Variants in NHSL1 observed in about 807,000 individuals in gnomAD.
NHSL1 encodes the protein NHS-like protein 1.
In NHSL1, 48 loss-of-function variants were observed where a neutral mutation model predicts 95.0. The observed-to-expected ratio is 0.51, with a 90% CI of 0.40 to 0.64. The LOEUF (loss-of-function observed/expected upper bound fraction) is 0.64. Among genes scored for constraint, NHSL1 ranks in the 30% least tolerant of loss-of-function variants. The pLI, the probability that NHSL1 is intolerant of heterozygous loss-of-function variation, is 0.00. For missense variants in NHSL1, 1,971 were observed against 2,077.7 expected (o/e 0.95, Z 1.00); for synonymous variants, 783 against 833.9 (o/e 0.94, Z 1.05).
intron 2 of NHSL1, among the ~76,000 whole-genome samples, chr6:138,474,958 GACC>G (rs552241537): frequency 1.1e-3 from 172 of 152,278 alleles, no homozygotes; most frequent in African/African-American, 3.9e-3. Context: ...AGACCAGCCT[GACC>G]AACATAGAGA....
chr6:138,427,327 C>G (rs972731210), intron 7 of NHSL1, among the ~76,000 whole-genome samples: 2 of 152,048 alleles, frequency 1.3e-5, no homozygotes, highest in Non-Finnish European at 2.9e-5. Context: ...ATAATCCCAG[C>G]TACTTGGGAT....
chr6:138,538,079 C>T (rs1279661408), intron 1 of NHSL1, among the ~76,000 whole-genome samples: 1 of 152,062 alleles, frequency 6.6e-6, no homozygotes, highest in Non-Finnish European at 1.5e-5. Context: ...TCTTGGATAC[C>T]CTTTGACATA....
At chr6:138,648,519 A>C (rs1029265159) in intron 1 of NHSL1, among the ~76,000 whole-genome samples, 2 of 152,160 alleles carry the variant, frequency 1.3e-5, no homozygotes, top group Admixed American at 6.6e-5. Context: ...CTCTCCCAGC[A>C]TGTAGTCCTA....
chr6:138,497,332 G>C (rs969136108), intron 1 of NHSL1, among the ~76,000 whole-genome samples: 1 of 152,150 alleles, frequency 6.6e-6, no homozygotes. Context: ...AAAGGTACTG[G>C]AGAAAGTCCT....
intron 7 of NHSL1, among the ~76,000 whole-genome samples, chr6:138,427,796 C>T (rs1281258501): frequency 6.6e-6 from 1 of 152,126 alleles, no homozygotes; most frequent in Non-Finnish European, 1.5e-5. Context: ...TGAGCTTAAG[C>T]GCTGAAGGAC....
chr6:138,446,723 C>G (rs1776885144), intron 4 of NHSL1: 1 of 353,284 alleles, frequency 2.8e-6, no homozygotes, highest in Non-Finnish European at 5.1e-6. Context: ...TACTAAAAAG[C>G]AATTTAATTA....
chr6:138,478,013 T>A (rs544873852), intron 2 of NHSL1, among the ~76,000 whole-genome samples: 6 of 23,200 alleles, frequency 2.6e-4, no homozygotes, highest in East Asian at 2.2e-3. Context: ...TTTATGTCAC[T>A]TTTTTTTTTT....
At chr6:138,633,738 G>C (rs1411616320) in intron 1 of NHSL1, among the ~76,000 whole-genome samples, 1 of 152,068 alleles carries the variant, frequency 6.6e-6, no homozygotes, top group Non-Finnish European at 1.5e-5. Flanking sequence ...TCACCTAAAG[G>C]TACAAAACTC....
intron 1 of NHSL1, among the ~76,000 whole-genome samples, chr6:138,636,930 C>T (rs1349348071): frequency 6.6e-6 from 1 of 152,062 alleles, no homozygotes; most frequent in Non-Finnish European, 1.5e-5. Flanking sequence ...TTATATGGAA[C>T]CATGAAAGAC....
intron 1 of NHSL1, among the ~76,000 whole-genome samples, chr6:138,530,566 T>C (rs1782091474): frequency 1.3e-5 from 2 of 152,194 alleles, no homozygotes; most frequent in South Asian, 2.1e-4. Context: ...GAAAATCTGA[T>C]ATATATACAC....
intron 5 of NHSL1, among the ~76,000 whole-genome samples, chr6:138,437,449 A>C (rs868386877): frequency 0.034 from 4,258 of 126,994 alleles, 231 homozygotes; most frequent in African/African-American, 0.085. Flanking sequence ...CACACACAAA[A>C]AAAAAAAAAA....
exon 1 of NHSL1, chr6:138,572,055 A>G: frequency 9.4e-6 from 6 of 639,558 alleles, no homozygotes; most frequent in Non-Finnish European, 1.6e-5. Flanking sequence ...ATCCAAAAAG[A>G]CGGCTTCTGT....
intron 1 of NHSL1, chr6:138,650,572 A>G: frequency 1.7e-6 from 1 of 593,020 alleles, no homozygotes; most frequent in Non-Finnish European, 3.3e-6. Context: ...TGAGGGATTA[A>G]TCCAACAAAT....
chr6:138,513,612 A>G (rs1781328913), intron 1 of NHSL1, among the ~76,000 whole-genome samples: 1 of 152,166 alleles, frequency 6.6e-6, no homozygotes, highest in Non-Finnish European at 1.5e-5. Context: ...TGGTGGGTAA[A>G]GGAAGAAGCA....
chr6:138,468,656 A>T (rs1210712667), intron 3 of NHSL1, among the ~76,000 whole-genome samples: 2 of 152,204 alleles, frequency 1.3e-5, no homozygotes, highest in African/African-American at 4.8e-5. Flanking sequence ...GTCCATGAAA[A>T]AATAGTCTTC....
intron 1 of NHSL1, among the ~76,000 whole-genome samples, chr6:138,524,051 TAAG>T (rs1781801486): frequency 6.6e-6 from 1 of 152,154 alleles, no homozygotes; most frequent in African/African-American, 2.4e-5. Context: ...AGTAGGAAGC[TAAG>T]TAATTTCCAA....
At chr6:138,686,601 G>C (rs991180950) in intron 1 of NHSL1, among the ~76,000 whole-genome samples, 1 of 152,132 alleles carries the variant, frequency 6.6e-6, no homozygotes, top group Non-Finnish European at 1.5e-5. Flanking sequence ...ATCACAAAAC[G>C]CCAAAATTGG....
chr6:138,463,061 C>T (rs941782632), intron 3 of NHSL1, among the ~76,000 whole-genome samples: 10 of 152,144 alleles, frequency 6.6e-5, no homozygotes, highest in African/African-American at 2.2e-4. Context: ...CTCAACTCTT[C>T]TTTGTCTCAT....
chr6:138,679,380 G>A (rs1785485037), intron 1 of NHSL1, among the ~76,000 whole-genome samples: 1 of 152,180 alleles, frequency 6.6e-6, no homozygotes, highest in Admixed American at 6.5e-5. Context: ...AAGGAAGTGA[G>A]GAGACAACTA....
Sources: gnomAD v4.1 joint callset for allele counts (sites outside exome capture counted in the v4.1 genomes callset) on GRCh38, gnomAD v4.1.1 for gene constraint, MANE v1.5 for transcripts, NCBI Gene and HGNC (gene_info 2026-07-23, HGNC 2026-07-21) for gene names.